The following ANXA5 variants were observed in gnomAD, a reference collection of about 807,000 sequenced individuals.
ANXA5 encodes annexin A5.
A neutral mutation model predicts 48.1 loss-of-function variants in ANXA5; 40 were observed. The observed-to-expected ratio is 0.83, with a 90% CI of 0.65 to 1.08. ANXA5 has a LOEUF of 1.08. Ranked by LOEUF, ANXA5 falls within the 50% of genes least tolerant of loss-of-function variation. The pLI, the probability that ANXA5 is intolerant of heterozygous loss-of-function variation, is 0.00. For missense variants in ANXA5, 357 were observed against 376.8 expected (o/e 0.95, Z 0.44); for synonymous variants, 113 against 129.1 (o/e 0.88, Z 0.85).
chr4:121,679,901 A>G (rs1315579634), intron 6 of ANXA5, among the ~76,000 whole-genome samples: 1 of 152,154 alleles, frequency 6.6e-6, no homozygotes, highest in Non-Finnish European at 1.5e-5. Context: ...GAGGACATTT[A>G]AAATATACTG....
At chr4:121,694,910 A>G (rs1393459671) in intron 2 of ANXA5, among the ~76,000 whole-genome samples, 2 of 152,188 alleles carry the variant, frequency 1.3e-5, no homozygotes, top group East Asian at 1.9e-4. Context: ...TTCTATACAC[A>G]TGGCCTTTAT....
At position 121,668,424 on chromosome 4, in the gene ANXA5, G is replaced by T. The variant is rs1197697104; in HGVS notation, c.*44C>A. 1.0e-5 allele frequency: 16 copies of T among 1,573,758 alleles called. No individual in the cohort carries two copies. The highest frequency in any genetic ancestry group is 1.3e-5 in the Non-Finnish European group (15 of 1,143,748). ...GCTAAAGGTGCTGAAGGAAGGCAGT[G>T]GGGTGGTGCAGGCACACAGCAGGGA... On this transcript the variant is annotated 3_prime_UTR_variant, in exon 13 of 13. Coordinates refer to ENST00000296511, the MANE Select transcript of ANXA5 (RefSeq NM_001154.4).
intron 10 of ANXA5, among the ~76,000 whole-genome samples, chr4:121,670,566 T>A (rs185971451): frequency 1.1e-3 from 168 of 152,084 alleles, no homozygotes; most frequent in African/African-American, 4.0e-3. Flanking sequence ...TCTCTGAACA[T>A]GTACATGTTG....
intron 5 of ANXA5, among the ~76,000 whole-genome samples, chr4:121,682,197 C>T (rs1219985169): frequency 6.6e-6 from 1 of 152,002 alleles, no homozygotes; most frequent in African/African-American, 2.4e-5. Flanking sequence ...AAAAGATAAA[C>T]CCCTGACCCC....
intron 8 of ANXA5, among the ~76,000 whole-genome samples, chr4:121,676,031 T>G (rs1041882083): frequency 1.3e-5 from 2 of 152,334 alleles, no homozygotes; most frequent in Non-Finnish European, 2.9e-5. Context: ...CTGAGAGGAC[T>G]AGAGTTGGTT....
chr4:121,684,012 G>GA lies in ANXA5; in HGVS notation c.190-536dup, dbSNP rs547572213. On this transcript the variant is annotated intron_variant, in intron 4 of 12. Coordinates refer to ENST00000296511, the MANE Select transcript of ANXA5 (RefSeq NM_001154.4). ...AATTATGAAAAAATTATGTAATTGT[G>GA]AAAAAAAAAACACAGTATTTCCTAC... Among the ~76,000 whole-genome samples the GA allele has an allele frequency of 1.4e-3, 210 of 145,756 alleles. 1 individual carries two copies. The highest frequency in any genetic ancestry group is 5.0e-3 in the South Asian group (23 of 4,608).
intron 11 of ANXA5, 53 bp downstream of exon 11, chr4:121,669,901 T>G (rs1724584534): frequency 1.4e-5 from 21 of 1,486,424 alleles, no homozygotes; most frequent in Non-Finnish European, 1.9e-5. Context: ...AAGTGAAGAA[T>G]AATAATTAGA....
At chr4:121,672,363 C>A (rs1472741341) in intron 9 of ANXA5, among the ~76,000 whole-genome samples, 170 bp downstream of exon 9, 3 of 152,170 alleles carry the variant, frequency 2.0e-5, no homozygotes, top group Non-Finnish European at 4.4e-5. Context: ...GTAAAAGCTA[C>A]AACAGCAGCA....
intron 10 of ANXA5, among the ~76,000 whole-genome samples, chr4:121,671,003 T>C (rs1325983444): frequency 6.6e-6 from 1 of 152,152 alleles, no homozygotes; most frequent in Non-Finnish European, 1.5e-5. Context: ...TTGGAGTACA[T>C]AATACTGCAA....
intron 2 of ANXA5, among the ~76,000 whole-genome samples, chr4:121,691,301 T>C (rs1466193517): frequency 7.2e-6 from 1 of 139,174 alleles, no homozygotes; most frequent in Non-Finnish European, 1.5e-5. Flanking sequence ...AAAAAGTTCT[T>C]TACCCGCAAG....
At position 121,683,522 on chromosome 4, in the gene ANXA5, A is replaced by G. The variant is rs760646124; in HGVS notation, c.190-45T>C. 9.0e-6 allele frequency: 10 copies of G among 1,116,182 alleles called. No individual in the cohort carries two copies. The South Asian group carries it at 9.0e-5, about 10-fold the overall frequency. The allele number at this position is 1,116,182 out of a possible 1,614,324, so 69.1% of individuals were successfully genotyped here. On this transcript the variant is annotated intron_variant, in intron 4 of 12. Coordinates refer to ENST00000296511, the MANE Select transcript of ANXA5 (RefSeq NM_001154.4). ...AATTTGTTAACCAGCAGAAATTGTA[A>G]TAAGATTCTTCTTAAATATGAATGA...
At chr4:121,683,917 T>C (rs1193483491) in intron 4 of ANXA5, among the ~76,000 whole-genome samples, 2 of 152,092 alleles carry the variant, frequency 1.3e-5, no homozygotes, top group Non-Finnish European at 2.9e-5. Context: ...AAACACATAA[T>C]AGATTATAGT....
chr4:121,673,813 T>C lies in ANXA5; in HGVS notation c.532-1187A>G, dbSNP rs189138081. On this transcript the variant is annotated intron_variant, in intron 8 of 12. Coordinates refer to ENST00000296511, the MANE Select transcript of ANXA5 (RefSeq NM_001154.4). Reference sequence around the variant, plus strand: ...ACACAGACCTTTCTTAAAATAACTTTTAAAATTTAATTACAAAAACAACGC... The same window carrying C: ...ACACAGACCTTTCTTAAAATAACTTCTAAAATTTAATTACAAAAACAACGC... Among the ~76,000 whole-genome samples, 164 of 152,246 alleles carry C rather than the reference T, an allele frequency of 1.1e-3. No homozygotes were observed. The Middle Eastern group carries it at 0.014, about 13-fold the overall frequency.
In ANXA5 at chr4:121,684,568, G is replaced by A. The variant is rs73844252; in HGVS notation, c.189+109C>T. 4,563 of 921,736 alleles carry A rather than the reference G, an allele frequency of 5.0e-3. 156 individuals are homozygous for A. The African/African-American group carries it at 0.067, about 14-fold the overall frequency. 57.1% of individuals were successfully genotyped at this position (921,736 alleles called of 1,614,324 possible). On this transcript the variant is annotated intron_variant, in intron 4 of 12. Transcript: ENST00000296511. Reference sequence around the variant, plus strand: ...GAAAAGAAACAGAAGTAGGGAAGTCGGAATCACAAAATAAATGATGCTTAC... The same window carrying A: ...GAAAAGAAACAGAAGTAGGGAAGTCAGAATCACAAAATAAATGATGCTTAC...
intron 3 of ANXA5, 95 bp downstream of exon 3, chr4:121,686,193 G>T: frequency 1.0e-6 from 1 of 958,148 alleles, no homozygotes; most frequent in Non-Finnish European, 1.6e-6. Flanking sequence ...ACAGATTTCA[G>T]ATCAAAATAT....
intron 2 of ANXA5, among the ~76,000 whole-genome samples, chr4:121,690,413 G>A (rs992529698): frequency 2.0e-5 from 3 of 152,206 alleles, no homozygotes; most frequent in Non-Finnish European, 4.4e-5. Flanking sequence ...ACCACAGGAA[G>A]TCAAGGAAGA....
rs1196370619 is a variant in ANXA5, at chr4:121,696,308, C to A, written c.9+273G>T. 5.9e-5 allele frequency among the ~76,000 whole-genome samples: 9 copies of A among 152,176 alleles called. No homozygotes were observed. In the South Asian group the frequency reaches 1.9e-3, roughly 32 times the overall value. The stretch of plus-strand genomic sequence containing the variant: ...TACACATTCACTCATGAAAAGGGAG[C>A]GCACACAAATCCGGCCACGTCACCA... On this transcript the variant is annotated intron_variant, in intron 2 of 12. Coordinates refer to ENST00000296511, the MANE Select transcript of ANXA5 (RefSeq NM_001154.4).
chr4:121,684,316 G>A (rs1271264320), intron 4 of ANXA5, among the ~76,000 whole-genome samples: 1 of 152,156 alleles, frequency 6.6e-6, no homozygotes, highest in African/African-American at 2.4e-5. Context: ...AACCAAGACT[G>A]TGACTGTGTT....
intron 6 of ANXA5, among the ~76,000 whole-genome samples, chr4:121,679,289 T>C (rs1159894128): frequency 6.6e-6 from 1 of 152,180 alleles, no homozygotes; most frequent in Non-Finnish European, 1.5e-5. Context: ...CCAACACCTG[T>C]AAATATTAAC....
Sources: allele counts gnomAD v4.1 joint callset (sites outside exome capture counted in the v4.1 genomes callset), GRCh38; gene constraint gnomAD v4.1.1; transcripts MANE v1.5; gene names NCBI Gene and HGNC (gene_info 2026-07-23, HGNC 2026-07-21).